The following MAGI2 variants were observed in gnomAD, a reference collection of about 807,000 sequenced individuals.
The protein encoded by MAGI2 is membrane associated guanylate kinase, WW and PDZ domain containing 2.
A neutral mutation model predicts 133.3 loss-of-function variants in MAGI2; 35 were observed. The observed-to-expected ratio is 0.26, with a 90% CI of 0.20 to 0.35. The LOEUF is 0.35. Among genes scored for constraint, MAGI2 ranks in the 10% least tolerant of loss-of-function variants. MAGI2 has a pLI of 1.00. For missense variants in MAGI2, 1,636 were observed against 1,863.4 expected (o/e 0.88, Z 2.25); for synonymous variants, 729 against 710.6 (o/e 1.03, Z -0.41).
intron 2 of MAGI2, among the ~76,000 whole-genome samples, chr7:78,919,291 G>C (rs1002875465): frequency 1.3e-5 from 2 of 152,062 alleles, no homozygotes; most frequent in Non-Finnish European, 2.9e-5. Flanking sequence ...AGAAGAGTAA[G>C]CAAGTGTATG....
intron 21 of MAGI2, among the ~76,000 whole-genome samples, chr7:78,022,523 T>A (rs1272579573): frequency 6.6e-6 from 1 of 152,228 alleles, no homozygotes; most frequent in Non-Finnish European, 1.5e-5. Context: ...AAATTTGGGT[T>A]TCTTTACTCT....
At position 78,088,493 on chromosome 7, in the gene MAGI2, G is replaced by A. The variant is rs571768790; in HGVS notation, c.3568-9408C>T. Among the ~76,000 whole-genome samples, 18 of 152,300 alleles carry A rather than the reference G, an allele frequency of 1.2e-4. No individual in the cohort carries two copies. In the South Asian group the frequency reaches 3.7e-3, roughly 32 times the overall value. On this transcript the variant is annotated intron_variant, in intron 20 of 21. Coordinates refer to ENST00000354212, the MANE Select transcript of MAGI2 (RefSeq NM_012301.4). ...GGGATTTTGAAGATAATTTAATGAT[G>A]GGACTGTTTTCGAAGAATGGGCAGG...
At chr7:78,477,611 T>C (rs995889374) in intron 6 of MAGI2, among the ~76,000 whole-genome samples, 1 of 151,778 alleles carries the variant, frequency 6.6e-6, no homozygotes, top group Non-Finnish European at 1.5e-5. Flanking sequence ...AACTCCCATT[T>C]ATAAAACCAT....
intron 21 of MAGI2, 73 bp from the exon 22 acceptor site, chr7:78,020,049 A>G (rs1384012571): frequency 1.5e-6 from 2 of 1,339,056 alleles, no homozygotes; most frequent in Non-Finnish European, 2.0e-6. Flanking sequence ...CGCCGGGGAC[A>G]GGGGCAGGCA....
At chr7:78,438,868 C>G (rs1287579190) in intron 6 of MAGI2, among the ~76,000 whole-genome samples, 1 of 152,154 alleles carries the variant, frequency 6.6e-6, no homozygotes, top group Non-Finnish European at 1.5e-5. Context: ...TGTTAAGACG[C>G]TTCTATTTTG....
intron 4 of MAGI2, among the ~76,000 whole-genome samples, chr7:78,521,037 C>T (rs1014259986): frequency 2.0e-4 from 31 of 152,204 alleles, no homozygotes; most frequent in African/African-American, 7.0e-4. Flanking sequence ...AATAGATTTT[C>T]TCTAATATTA....
In MAGI2 at chr7:79,271,467, C is replaced by T. The variant is rs187235703; in HGVS notation, c.301+181553G>A. Among the ~76,000 whole-genome samples, 7 of 152,184 alleles carry T rather than the reference C, an allele frequency of 4.6e-5. No individual in the cohort carries two copies. The East Asian group carries it at 1.4e-3, about 29-fold the overall frequency. ...TACTAAATAATTGGAATCAGCTTGC[C>T]TTGTGTTCTGGCTTTATAAAGCTTT... On this transcript the variant is annotated intron_variant, in intron 1 of 21. Transcript: ENST00000354212.
chr7:78,546,496 T>C (rs1798853351), intron 3 of MAGI2, among the ~76,000 whole-genome samples: 1 of 152,222 alleles, frequency 6.6e-6, no homozygotes, highest in Admixed American at 6.5e-5. Context: ...AATTATCTTT[T>C]CTATTAATTC....
intron 2 of MAGI2, among the ~76,000 whole-genome samples, chr7:78,758,570 G>C (rs1026589718): frequency 6.6e-6 from 1 of 152,086 alleles, no homozygotes; most frequent in Admixed American, 6.5e-5. Flanking sequence ...TTGTGAACTA[G>C]GTACATATCA....
At chr7:78,232,615 T>G (rs1013799073) in intron 10 of MAGI2, among the ~76,000 whole-genome samples, 10 of 152,170 alleles carry the variant, frequency 6.6e-5, no homozygotes, top group African/African-American at 2.4e-4. Context: ...AATGTGTCTT[T>G]CTGGGATTTT....
chr7:78,025,692 G>T (rs1009922864), intron 21 of MAGI2, among the ~76,000 whole-genome samples: 1 of 152,176 alleles, frequency 6.6e-6, no homozygotes, highest in Non-Finnish European at 1.5e-5. Context: ...TGGTGAAATG[G>T]TAATGTGTAT....
At chr7:78,849,043 G>T (rs1792890302) in intron 2 of MAGI2, among the ~76,000 whole-genome samples, 1 of 151,936 alleles carries the variant, frequency 6.6e-6, no homozygotes, top group African/African-American at 2.4e-5. Context: ...ATAAAACATT[G>T]CTTTTTATGC....
chr7:78,094,690 T>C (rs1817543159), intron 20 of MAGI2, among the ~76,000 whole-genome samples: 2 of 152,348 alleles, frequency 1.3e-5, no homozygotes, highest in African/African-American at 4.8e-5. Context: ...CTGTAGTCAC[T>C]GAGAGACAAT....
At chr7:79,101,704 A>G (rs1349749322) in intron 1 of MAGI2, among the ~76,000 whole-genome samples, 3 of 144,764 alleles carry the variant, frequency 2.1e-5, no homozygotes, top group Non-Finnish European at 4.5e-5. Flanking sequence ...AGCAGGTGCT[A>G]CAGAGCAAGA....
chr7:78,020,772 G>A (rs962085728), intron 21 of MAGI2, among the ~76,000 whole-genome samples: 4 of 152,036 alleles, frequency 2.6e-5, no homozygotes, highest in African/African-American at 9.7e-5. Context: ...ATTCCTAGCT[G>A]CTGTCAGTTT....
intron 16 of MAGI2, among the ~76,000 whole-genome samples, chr7:78,144,801 G>A (rs1250588897): frequency 1.3e-5 from 2 of 152,112 alleles, no homozygotes; most frequent in African/African-American, 2.4e-5. Flanking sequence ...TGCAGAACGT[G>A]CAGGTTTGTT....
intron 2 of MAGI2, among the ~76,000 whole-genome samples, chr7:78,721,826 A>C (rs1820296945): frequency 6.6e-6 from 1 of 151,926 alleles, no homozygotes; most frequent in Non-Finnish European, 1.5e-5. Flanking sequence ...AAAAATAATA[A>C]TTTTTATTTT....
chr7:79,116,140 C>T (rs957934412), intron 1 of MAGI2, among the ~76,000 whole-genome samples: 4 of 152,136 alleles, frequency 2.6e-5, no homozygotes, highest in African/African-American at 9.7e-5. Context: ...TGAAGGGACA[C>T]TCATCTTTTC....
intron 14 of MAGI2, among the ~76,000 whole-genome samples, chr7:78,175,030 C>A (rs1826458656): frequency 6.6e-6 from 1 of 152,176 alleles, no homozygotes; most frequent in African/African-American, 2.4e-5. Context: ...TGCATCTCTT[C>A]TTTTGGATGG....
Sources: gnomAD v4.1 joint callset for allele counts (sites outside exome capture counted in the v4.1 genomes callset) on GRCh38, gnomAD v4.1.1 for gene constraint, MANE v1.5 for transcripts, NCBI Gene and HGNC (gene_info 2026-07-23, HGNC 2026-07-21) for gene names.